Variants in SGCZ observed in about 807,000 individuals in gnomAD.
SGCZ encodes the protein sarcoglycan zeta, also known as zeta-sarcoglycan.
In SGCZ, 40 loss-of-function variants were observed where a neutral mutation model predicts 41.3. The ratio of observed to expected loss-of-function variants is 0.97; its 90% CI spans 0.75 to 1.26. The LOEUF (loss-of-function observed/expected upper bound fraction) is 1.26. Ranked by LOEUF, SGCZ falls within the 50% of genes most tolerant of loss-of-function variation. The pLI, the probability that SGCZ is intolerant of heterozygous loss-of-function variation, is 0.00. For synonymous variants in SGCZ, 206 were observed against 137.5 expected (o/e 1.50, Z -3.49); for missense variants, 552 against 369.8 (o/e 1.49, Z -4.04).
At chr8:14,799,690 AT>A (rs369207193) in intron 1 of SGCZ, among the ~76,000 whole-genome samples, 14,635 of 150,912 alleles carry the variant, frequency 0.097, 749 homozygotes, top group Middle Eastern at 0.16. Flanking sequence ...ATAAAAAAAA[AT>A]TTTTTTTTTT....
At chr8:14,731,391 G>C (rs1254325222) in intron 1 of SGCZ, among the ~76,000 whole-genome samples, 1 of 151,838 alleles carries the variant, frequency 6.6e-6, no homozygotes, top group Non-Finnish European at 1.5e-5. Flanking sequence ...GTCAGGGGGT[G>C]GGGGGATAGG....
intron 1 of SGCZ, among the ~76,000 whole-genome samples, chr8:15,091,522 T>G (rs1389551582): frequency 6.6e-6 from 1 of 152,224 alleles, no homozygotes; most frequent in Non-Finnish European, 1.5e-5. Flanking sequence ...ATAAAATTAA[T>G]GTGCAGAATC....
Position 14,350,725 on chromosome 8 carries a change from T to A in SGCZ, c.235-26521A>T, listed in dbSNP as rs531747693. On this transcript the variant is annotated intron_variant, in intron 2 of 7. Coordinates refer to ENST00000382080, the MANE Select transcript of SGCZ (RefSeq NM_139167.4). ...CTCCCTCTGTCCAATGCTCCTTCTT[T>A]CCCTCTCTCCAATCTTGAAAGCCCT... Among the ~76,000 whole-genome samples the A allele has an allele frequency of 5.3e-5, 8 of 152,204 alleles. 1 individual carries two copies. Among genetic ancestry groups the A allele is most frequent in the African/African-American group, 1.9e-4 (8 of 41,546 alleles).
At chr8:15,156,443 G>A (rs1222508115) in intron 1 of SGCZ, among the ~76,000 whole-genome samples, 2 of 152,218 alleles carry the variant, frequency 1.3e-5, no homozygotes, top group Non-Finnish European at 2.9e-5. Flanking sequence ...TCAGCATGGT[G>A]AAATCACTCT....
intron 3 of SGCZ, among the ~76,000 whole-genome samples, chr8:14,323,646 G>A (rs993908658): frequency 7.2e-5 from 11 of 151,972 alleles, no homozygotes; most frequent in Admixed American, 2.0e-4. Context: ...TTTACATCAC[G>A]TACATCCAGA....
intron 1 of SGCZ, among the ~76,000 whole-genome samples, chr8:14,713,016 G>C (rs1809572279): frequency 6.6e-6 from 1 of 152,076 alleles, no homozygotes; most frequent in African/African-American, 2.4e-5. Context: ...CTAAACTACT[G>C]TGTAGGCCCC....
intron 1 of SGCZ, among the ~76,000 whole-genome samples, chr8:14,634,986 A>G (rs1333719328): frequency 6.6e-6 from 1 of 151,678 alleles, no homozygotes; most frequent in Non-Finnish European, 1.5e-5. Flanking sequence ...GATTCTTTGG[A>G]GGGGTAATTA....
At chr8:14,137,097 G>GA (rs1222871471) in intron 5 of SGCZ, among the ~76,000 whole-genome samples, 1 of 152,134 alleles carries the variant, frequency 6.6e-6, no homozygotes, top group African/African-American at 2.4e-5. Flanking sequence ...CTGTTAGAAG[G>GA]AAAACCAACA....
chr8:14,738,020 G>A (rs541323397), intron 1 of SGCZ, among the ~76,000 whole-genome samples: 1 of 152,122 alleles, frequency 6.6e-6, no homozygotes, highest in South Asian at 2.1e-4. Flanking sequence ...AGTTCACACA[G>A]GTAGTGAGGT....
At chr8:14,447,383 AT>A (rs1310882192) in intron 2 of SGCZ, among the ~76,000 whole-genome samples, 1 of 152,170 alleles carries the variant, frequency 6.6e-6, no homozygotes, top group Non-Finnish European at 1.5e-5. Flanking sequence ...TGGGTAAAAA[AT>A]TCAACTTAAT....
chr8:15,188,149 C>A (rs1025428976), intron 1 of SGCZ, among the ~76,000 whole-genome samples: 14 of 152,004 alleles, frequency 9.2e-5, no homozygotes, highest in Non-Finnish European at 1.8e-4. Flanking sequence ...CTGCAGCATA[C>A]CACTCCAAAC....
chr8:14,159,034 G>T (rs573403372), intron 5 of SGCZ, among the ~76,000 whole-genome samples: 3 of 152,254 alleles, frequency 2.0e-5, no homozygotes, highest in African/African-American at 7.2e-5. Context: ...CTCCCAAAGT[G>T]CTGGGATTAC....
intron 2 of SGCZ, among the ~76,000 whole-genome samples, chr8:14,553,774 AAAAC>A (rs533927626): frequency 2.3e-3 from 347 of 152,186 alleles, no homozygotes; most frequent in Non-Finnish European, 4.2e-3. Context: ...TGGGGTTTAA[AAAAC>A]AAACAAACAA....
At chr8:14,367,252 T>C (rs1184168237) in intron 2 of SGCZ, among the ~76,000 whole-genome samples, 1 of 152,066 alleles carries the variant, frequency 6.6e-6, no homozygotes, top group Admixed American at 6.6e-5. Flanking sequence ...TGAGACTACC[T>C]CAGCCTGGAA....
Position 15,061,904 on chromosome 8 carries a change from T to G in SGCZ, c.39+175681A>C, listed in dbSNP as rs79129661. Among the ~76,000 whole-genome samples the G allele has an allele frequency of 9.4e-3, 1,426 of 152,282 alleles. 33 individuals carry two copies. The highest frequency in any genetic ancestry group is 0.032 in the African/African-American group (1,336 of 41,550). On this transcript the variant is annotated intron_variant, in intron 1 of 7. Coordinates refer to ENST00000382080, the MANE Select transcript of SGCZ (RefSeq NM_139167.4). ...CAATGGAAATTTCACACAAAGCTAT[T>G]TTCATCCTCCAGGTTTGACTCCTGC...
intron 1 of SGCZ, among the ~76,000 whole-genome samples, chr8:15,067,506 G>A (rs1464680470): frequency 6.6e-6 from 1 of 152,120 alleles, no homozygotes; most frequent in East Asian, 1.9e-4. Flanking sequence ...GGTGTCCCAG[G>A]AGTTAGGGCT....
At chr8:14,515,435 T>C (rs970763892) in intron 2 of SGCZ, among the ~76,000 whole-genome samples, 3 of 152,102 alleles carry the variant, frequency 2.0e-5, no homozygotes, top group African/African-American at 7.2e-5. Flanking sequence ...AACATACGCA[T>C]CAATATGTAT....
intron 2 of SGCZ, among the ~76,000 whole-genome samples, chr8:14,483,385 T>C (rs1801586854): frequency 6.6e-6 from 1 of 152,216 alleles, no homozygotes; most frequent in Admixed American, 6.5e-5. Flanking sequence ...GCCTGAGCAA[T>C]ACAGTGAGAC....
chr8:14,416,133 T>C (rs1173066654), intron 2 of SGCZ, among the ~76,000 whole-genome samples: 2 of 151,942 alleles, frequency 1.3e-5, no homozygotes, highest in African/African-American at 2.4e-5. Context: ...TTAGGCCAGA[T>C]CTTCCAATTA....
Sources: gnomAD v4.1 joint callset for allele counts (sites outside exome capture counted in the v4.1 genomes callset) on GRCh38, gnomAD v4.1.1 for gene constraint, MANE v1.5 for transcripts, NCBI Gene and HGNC (gene_info 2026-07-23, HGNC 2026-07-21) for gene names.